Variants in KIF1C observed in about 807,000 individuals in gnomAD.
KIF1C encodes the protein kinesin-like protein KIF1C.
KIF1C carries 61 observed loss-of-function variants against 126.5 expected under a neutral mutation model. The ratio of observed to expected loss-of-function variants is 0.48; its 90% CI spans 0.39 to 0.60. KIF1C has a LOEUF of 0.60. Among genes scored for constraint, KIF1C ranks in the 20% least tolerant of loss-of-function variants. The pLI is 0.00. For synonymous variants in KIF1C, 640 were observed against 580.6 expected (o/e 1.10, Z -1.47); for missense variants, 1,315 against 1,489.2 (o/e 0.88, Z 1.93).
chr17:5,009,818 G>C (rs1974821356), intron 16 of KIF1C, among the ~76,000 whole-genome samples: 1 of 151,266 alleles, frequency 6.6e-6, no homozygotes, highest in South Asian at 2.1e-4. Context: ...TGTTCTCCTA[G>C]AGATGCTGTC....
In KIF1C at chr17:5,004,472, C is replaced by T. The variant is rs1974678186; in HGVS notation, c.941-95C>T. 6 of 1,129,564 alleles carry T rather than the reference C, an allele frequency of 5.3e-6. No homozygotes were observed. The South Asian group carries it at 7.8e-5, about 15-fold the overall frequency. 70.0% of individuals were successfully genotyped at this position (1,129,564 alleles called of 1,614,324 possible). A position where few individuals can be genotyped will look rare whatever the true frequency, so the allele number is the denominator to read the frequency against. ...TACCTCAGACCATGACCCTGTAAGA[C>T]CTCTGCCTGGGCAGTGGGCCCCAGC... On this transcript the variant is annotated intron_variant, in intron 11 of 22. Coordinates refer to ENST00000320785, the MANE Select transcript of KIF1C (RefSeq NM_006612.6).
chr17:5,006,894 T>C, intron 13 of KIF1C, 21 bp from the exon 14 acceptor site: 1 of 1,611,772 alleles, frequency 6.2e-7, no homozygotes, highest in Non-Finnish European at 8.5e-7. Flanking sequence ...CCTCATTCTT[T>C]TTCCTCTTTC....
intron 1 of KIF1C, among the ~76,000 whole-genome samples, chr17:4,998,687 C>T (rs11658587): frequency 0.021 from 3,136 of 152,328 alleles, 53 homozygotes; most frequent in Non-Finnish European, 0.033. Context: ...ATTCCAGCTA[C>T]TCCCTTCCTG....
chr17:5,000,903 C>A, intron 4 of KIF1C, 55 bp downstream of exon 4: 1 of 1,526,004 alleles, frequency 6.6e-7, no homozygotes, highest in South Asian at 1.1e-5. Context: ...GGATTTAGGT[C>A]CTGGGGAGGG....
chr17:5,021,169 G>GTTT (rs765920431), intron 21 of KIF1C, among the ~76,000 whole-genome samples: 3,566 of 77,350 alleles, frequency 0.046, 157 homozygotes, highest in African/African-American at 0.092. Context: ...GATTGTTGTG[G>GTTT]TTTTTTTTTT....
chr17:5,025,388 C>T lies in KIF1C; in HGVS notation c.*1237C>T, dbSNP rs1199383398. 3 of 152,244 alleles carry T rather than the reference C, an allele frequency of 2.0e-5. No individual in the cohort carries two copies. Among genetic ancestry groups the T allele is most frequent in the Admixed American group, 6.6e-5 (1 of 15,264 alleles). 9.4% of individuals were successfully genotyped at this position (152,244 alleles called of 1,614,324 possible). On this transcript the variant is annotated 3_prime_UTR_variant, in exon 23 of 23. Transcript: ENST00000320785. ...CACCTAACTTACTTGAAAGGTCTCCCAAGCAGCCAGTTTCTCTTGATAGTG... is the reference window on the plus strand; with the variant it reads ...CACCTAACTTACTTGAAAGGTCTCCTAAGCAGCCAGTTTCTCTTGATAGTG...
In KIF1C at chr17:5,013,684, C is replaced by T. The variant is rs140692517; in HGVS notation, c.1523C>T (p.Pro508Leu). The change falls in exon 17 of 23, where the codon CCT becomes CTT. Residue 508 changes from proline to leucine, a missense_variant. Transcript: ENST00000320785. ...CACCTGGTGAACCTGAACGAAGACCCTCTGATGTCTGAGTGTCTGCTCTAC... is the reference window on the plus strand; with the variant it reads ...CACCTGGTGAACCTGAACGAAGACCTTCTGATGTCTGAGTGTCTGCTCTAC... Reference protein sequence around the residue: ...TPHLVNLNEDPLMSECLLYHI... With the variant: ...TPHLVNLNEDLLMSECLLYHI... The T allele has an allele frequency of 6.2e-7, 1 of 1,613,816 alleles. No individual in the cohort carries two copies. The highest frequency in any genetic ancestry group is 8.5e-7 in the Non-Finnish European group (1 of 1,179,784).
rs1179977340 is a variant in KIF1C, at chr17:5,025,018, G to T, written c.*867G>T. The T allele has an allele frequency of 6.6e-6, 1 of 152,110 alleles. No homozygotes were observed. Among genetic ancestry groups the T allele is most frequent in the African/African-American group, 2.4e-5 (1 of 41,364 alleles). 9.4% of individuals were successfully genotyped at this position (152,110 alleles called of 1,614,324 possible). A position where few individuals can be genotyped will look rare whatever the true frequency, so the allele number is the denominator to read the frequency against. On this transcript the variant is annotated 3_prime_UTR_variant, in exon 23 of 23. Coordinates refer to ENST00000320785, the MANE Select transcript of KIF1C (RefSeq NM_006612.6). ...CCTGAGTAGCTGGGATTACAGGCAT[G>T]TGCCACCACGCCCGGCTCATTACTG...
Position 5,023,704 on chromosome 17 carries a change from T to C in KIF1C, c.2865T>C (p.Ser955=), listed in dbSNP as rs755118625. The change falls in exon 23 of 23, where the codon TCT becomes TCC. Residue 955 remains serine, a synonymous_variant. Coordinates refer to ENST00000320785, the MANE Select transcript of KIF1C (RefSeq NM_006612.6). This position sits in a 1 kb window ranked among gnomAD's most constrained non-coding sequence, Gnocchi z 4.2. ...EQLRLQGLQG[S]GGRGGGLRRP... is the part of the protein sequence containing the mutation. ...TACGGCTGCAGGGACTGCAGGGCTC[T>C]GGGGGCCGGGGCGGGGGGCTGCGCA... The C allele has an allele frequency of 3.7e-5, 59 of 1,576,112 alleles. No individual in the cohort carries two copies. The highest frequency in any genetic ancestry group is 4.9e-5 in the Non-Finnish European group (57 of 1,161,290).
chr17:5,007,679 C>T (rs919759125), intron 16 of KIF1C, 137 bp downstream of exon 16: 5 of 582,588 alleles, frequency 8.6e-6, no homozygotes, highest in Non-Finnish European at 1.4e-5. Flanking sequence ...CATTTCTGTC[C>T]CCTCCCCTGC....
chr17:5,003,778 G>C, intron 9 of KIF1C, 73 bp from the exon 10 acceptor site: 1 of 1,555,522 alleles, frequency 6.4e-7, no homozygotes, highest in Non-Finnish European at 8.9e-7. Flanking sequence ...ACTCTCACTG[G>C]GGAGGTAGGA....
At chr17:5,003,815 G>A (rs1481226913) in intron 9 of KIF1C, 36 bp from the exon 10 acceptor site, 1 of 1,596,270 alleles carries the variant, frequency 6.3e-7, no homozygotes, top group African/African-American at 1.3e-5. Flanking sequence ...ATTGGGAGAA[G>A]AGGGTCTCAT....
At position 5,022,623 on chromosome 17, in the gene KIF1C, AAGCTGCAGAACAGCAGCAAGGACCGGG is replaced by A; in HGVS notation, c.2551_2577del (p.Asn851_Gln859del). ...GCTGACGGGGATTCTGCAGGAGGTG[AAGCTGCAGAACAGCAGCAAGGACCGGG>A]AGCTGCAGGCCCTGCGGGACCGCAT... is the stretch of plus-strand genomic sequence containing the variant. On this transcript the variant is annotated inframe_deletion, in exon 22 of 23. Coordinates refer to ENST00000320785, the MANE Select transcript of KIF1C (RefSeq NM_006612.6). The surrounding 1 kb of genome is among the most constrained non-coding windows in gnomAD (Gnocchi z 4.9). 1 of 1,607,100 alleles carries A rather than the reference AAGCTGCAGAACAGCAGCAAGGACCGGG, an allele frequency of 6.2e-7. No individual in the cohort carries two copies. Among genetic ancestry groups the A allele is most frequent in the Non-Finnish European group, 8.5e-7 (1 of 1,176,276 alleles).
intron 16 of KIF1C, among the ~76,000 whole-genome samples, chr17:5,010,600 AGCCGGGCGT>A (rs1974841152): frequency 6.6e-6 from 1 of 151,652 alleles, no homozygotes; most frequent in Non-Finnish European, 1.5e-5. Context: ...AGAAAAAATT[AGCCGGGCGT>A]GGTGGCGGGC....
chr17:5,019,985 C>T lies in KIF1C; in HGVS notation c.1667-11C>T, dbSNP rs1420588172. ...GTCTAATCTTTCCCCTTCCTCTGCC[C>T]CTCCATTCAGTGGTGGTCACTCTGG... On this transcript the variant is annotated splice_polypyrimidine_tract_variant and intron_variant, in intron 18 of 22. Coordinates refer to ENST00000320785, the MANE Select transcript of KIF1C (RefSeq NM_006612.6). The T allele has an allele frequency of 1.3e-6, 2 of 1,594,154 alleles. No homozygotes were observed. Among genetic ancestry groups the T allele is most frequent in the Non-Finnish European group, 1.7e-6 (2 of 1,169,218 alleles).
chr17:5,000,528 G>T (rs1014459808), intron 3 of KIF1C, among the ~76,000 whole-genome samples, 176 bp downstream of exon 3: 1 of 152,148 alleles, frequency 6.6e-6, no homozygotes, highest in East Asian at 1.9e-4. Flanking sequence ...GTCCCTGGGA[G>T]GGGGAATGTT....
At chr17:5,015,031 C>A (rs1044631190) in intron 18 of KIF1C, among the ~76,000 whole-genome samples, 194 bp downstream of exon 18, 1 of 152,144 alleles carries the variant, frequency 6.6e-6, no homozygotes, top group African/African-American at 2.4e-5. Flanking sequence ...CCCTCTGCAC[C>A]CACCCTGAGA....
Position 5,002,332 on chromosome 17 carries a change from C to T in KIF1C, c.430-132C>T, listed in dbSNP as rs55675853. The T allele has an allele frequency of 2.4e-5, 24 of 999,620 alleles. No individual in the cohort carries two copies. In the African/African-American group the frequency reaches 3.5e-4, roughly 15 times the overall value. The allele number at this position is 999,620 out of a possible 1,614,324, so 61.9% of individuals were successfully genotyped here. On this transcript the variant is annotated intron_variant, in intron 6 of 22. Coordinates refer to ENST00000320785, the MANE Select transcript of KIF1C (RefSeq NM_006612.6). ...CTGGCTTGTTGGGCAGGTCGCTGAG[C>T]TAGCATCTGCAGAATGCTTCGCACT... is the stretch of plus-strand genomic sequence containing the variant.
Position 5,022,399 on chromosome 17 carries a change from C to G in KIF1C, c.2318C>G (p.Ala773Gly). 5.1e-6 allele frequency: 8 copies of G among 1,578,376 alleles called. No individual in the cohort carries two copies. Among genetic ancestry groups the G allele is most frequent in the Non-Finnish European group, 6.9e-6 (8 of 1,161,024 alleles). Residue 773 changes from alanine (A) to glycine (G), a missense_variant, in exon 22 of 23, where the codon GCC becomes GGC. By Grantham distance (60) the Ala-to-Gly change is moderately conservative (BLOSUM62 0). Coordinates refer to ENST00000320785, the MANE Select transcript of KIF1C (RefSeq NM_006612.6). This position sits in a 1 kb window ranked among gnomAD's most constrained non-coding sequence, Gnocchi z 4.9. ...DFRHGRAEIE[A>G]LAALKMRELC... is the part of the protein sequence containing the mutation. ...CGCCACGGGCGGGCTGAGATTGAGGCCCTGGCCGCCCTCAAGATGCGGGAG... is the reference window on the plus strand; with the variant it reads ...CGCCACGGGCGGGCTGAGATTGAGGGCCTGGCCGCCCTCAAGATGCGGGAG...
Sources: gnomAD v4.1 joint callset for allele counts (sites outside exome capture counted in the v4.1 genomes callset) on GRCh38, gnomAD v4.1.1 for gene constraint, Gnocchi (gnomAD v3.1) non-coding constraint, MANE v1.5 for transcripts, NCBI Gene and HGNC (gene_info 2026-07-23, HGNC 2026-07-21) for gene names.